Variants in EDIL3 observed in about 807,000 individuals in gnomAD.
EDIL3 encodes the protein EGF like and discoidin domains 3, also known as EGF-like repeat and discoidin I-like domain-containing protein 3.
In EDIL3, 37 loss-of-function variants were observed where a neutral mutation model predicts 67.4. The ratio of observed to expected loss-of-function variants is 0.55; its 90% CI spans 0.42 to 0.72. The LOEUF (loss-of-function observed/expected upper bound fraction) is 0.72. Among genes scored for constraint, EDIL3 ranks in the 30% least tolerant of loss-of-function variants. The probability of loss-of-function intolerance (pLI) is 0.00; values close to 1 mark genes in which losing one functional copy is unlikely to be tolerated. For missense variants in EDIL3, 527 were observed against 586.3 expected, an observed-to-expected ratio of 0.90 and a Z score of 1.04; for synonymous variants, 195 against 196.3, an observed-to-expected ratio of 0.99 and a Z score of 0.05.
At chr5:84,264,703 T>C (rs1745310786) in intron 1 of EDIL3, among the ~76,000 whole-genome samples, 1 of 152,222 alleles carries the variant, frequency 6.6e-6, no homozygotes, top group Non-Finnish European at 1.5e-5. Context: ...CAGAGAAGAT[T>C]GCAGCTCTTC....
intron 2 of EDIL3, among the ~76,000 whole-genome samples, chr5:84,247,543 G>A (rs1419677829): frequency 6.6e-6 from 1 of 151,928 alleles, no homozygotes; most frequent in Non-Finnish European, 1.5e-5. Context: ...TGTATTTTCT[G>A]GGATAAATAT....
intron 6 of EDIL3, among the ~76,000 whole-genome samples, chr5:84,103,167 G>A (rs1747398408): frequency 6.6e-6 from 1 of 151,922 alleles, no homozygotes; most frequent in African/African-American, 2.4e-5. Flanking sequence ...GTTAGCCATA[G>A]GCAGAAGATT....
intron 2 of EDIL3, among the ~76,000 whole-genome samples, chr5:84,234,968 A>G (rs1021680977): frequency 6.6e-6 from 1 of 152,026 alleles, no homozygotes; most frequent in Non-Finnish European, 1.5e-5. Flanking sequence ...AGTGCTCTAC[A>G]TGTGTGTGTA....
intron 9 of EDIL3, among the ~76,000 whole-genome samples, chr5:83,990,269 A>G (rs1453353094): frequency 6.6e-6 from 1 of 152,126 alleles, no homozygotes; most frequent in African/African-American, 2.4e-5. Flanking sequence ...CAGGCAGATC[A>G]CAAAGTCAAA....
chr5:84,112,706 C>T (rs954373897), intron 5 of EDIL3, among the ~76,000 whole-genome samples: 1 of 152,146 alleles, frequency 6.6e-6, no homozygotes, highest in African/African-American at 2.4e-5. Flanking sequence ...CACAACTCAT[C>T]CACATGTTTA....
chr5:84,305,077 A>G (rs1580067070), intron 1 of EDIL3, among the ~76,000 whole-genome samples: 1 of 152,230 alleles, frequency 6.6e-6, no homozygotes, highest in Non-Finnish European at 1.5e-5. Flanking sequence ...AACTAACAGA[A>G]TAAAATCAAC....
chr5:84,137,269 G>A lies in EDIL3; in HGVS notation c.441C>T (p.Gly147=), dbSNP rs58219060. The A allele has an allele frequency of 6.0e-3, 9,698 of 1,611,668 alleles. 474 individuals carry two copies. The African/African-American group carries it at 0.11, about 18-fold the overall frequency. Residue 147 remains glycine (G), a synonymous_variant, in exon 5 of 11, where the codon GGC becomes GGT. Coordinates refer to ENST00000296591, the MANE Select transcript of EDIL3 (RefSeq NM_005711.5). ...LVANYSCECP[G]EFMGRNCQYK... ...ATTGACAATTTCTTCCCATAAATTC[G>A]CCTGGGCACTCACAGGAATAGTTAG...
chr5:84,264,958 A>T (rs1745317434), intron 1 of EDIL3, among the ~76,000 whole-genome samples: 1 of 152,184 alleles, frequency 6.6e-6, no homozygotes. Flanking sequence ...CTAAGCGTAA[A>T]TCTGGTCAGT....
intron 6 of EDIL3, among the ~76,000 whole-genome samples, chr5:84,075,483 C>A (rs62364223): frequency 0.64 from 96,858 of 150,784 alleles, 31,548 homozygotes; most frequent in African/African-American, 0.75. Flanking sequence ...TCTTCTTCTT[C>A]TTATTATTTT....
At chr5:84,009,972 G>C (rs533481800) in intron 9 of EDIL3, among the ~76,000 whole-genome samples, 2 of 152,330 alleles carry the variant, frequency 1.3e-5, no homozygotes, top group Admixed American at 6.5e-5. Flanking sequence ...TGACTCGATA[G>C]AGCAGGTGTA....
chr5:84,361,481 T>C (rs1747602478), intron 1 of EDIL3, among the ~76,000 whole-genome samples: 7 of 152,084 alleles, frequency 4.6e-5, no homozygotes, highest in Admixed American at 2.6e-4. Flanking sequence ...AAGAATATGA[T>C]GATCATAGGT....
chr5:84,324,787 C>T (rs527967894), intron 1 of EDIL3, among the ~76,000 whole-genome samples: 21 of 151,568 alleles, frequency 1.4e-4, no homozygotes, highest in African/African-American at 4.6e-4. Context: ...AATTCTACAT[C>T]GACAAATTAC....
At chr5:83,967,956 A>T (rs1744726407) in intron 9 of EDIL3, among the ~76,000 whole-genome samples, 1 of 152,158 alleles carries the variant, frequency 6.6e-6, no homozygotes, top group East Asian at 1.9e-4. Context: ...TAGAGTTTGT[A>T]AAATTAACTC....
chr5:84,269,496 G>T (rs1402215633), intron 1 of EDIL3, among the ~76,000 whole-genome samples: 1 of 152,008 alleles, frequency 6.6e-6, no homozygotes, highest in Non-Finnish European at 1.5e-5. Context: ...ATCACTTTTA[G>T]TTATGGTTGG....
At chr5:84,157,815 G>C (rs1336809206) in intron 4 of EDIL3, among the ~76,000 whole-genome samples, 1 of 151,844 alleles carries the variant, frequency 6.6e-6, no homozygotes, top group Non-Finnish European at 1.5e-5. Flanking sequence ...GATGTAGTAT[G>C]AATTAAAAAA....
chr5:84,174,071 T>C (rs1748858973), intron 4 of EDIL3, among the ~76,000 whole-genome samples: 1 of 152,066 alleles, frequency 6.6e-6, no homozygotes, highest in African/African-American at 2.4e-5. Context: ...CCCATCAGGG[T>C]GGCCTGCTGA....
intron 9 of EDIL3, among the ~76,000 whole-genome samples, chr5:83,977,733 ACTT>A: frequency 6.6e-6 from 1 of 151,844 alleles, no homozygotes; most frequent in Non-Finnish European, 1.5e-5. Context: ...AATTTTTTCT[ACTT>A]AGTCCATATT....
At chr5:84,175,456 TAA>T (rs1317900240) in intron 4 of EDIL3, among the ~76,000 whole-genome samples, 1 of 152,210 alleles carries the variant, frequency 6.6e-6, no homozygotes, top group East Asian at 1.9e-4. Flanking sequence ...CCTAACTTTT[TAA>T]AGTTTGTAAA....
At chr5:84,377,307 C>CAAA (rs773972385) in intron 1 of EDIL3, among the ~76,000 whole-genome samples, 1 of 68,082 alleles carries the variant, frequency 1.5e-5, no homozygotes, top group African/African-American at 5.6e-5. Flanking sequence ...GACTCCGTCT[C>CAAA]AAAAAAAAAA....
Sources: gnomAD v4.1 joint callset for allele counts (sites outside exome capture counted in the v4.1 genomes callset) on GRCh38, gnomAD v4.1.1 for gene constraint, MANE v1.5 for transcripts, NCBI Gene and HGNC (gene_info 2026-07-23, HGNC 2026-07-21) for gene names.